CDC42BPA: variants seen among roughly 807,000 people sequenced by gnomAD.
CDC42BPA encodes CDC42 binding protein kinase alpha.
In CDC42BPA, 80 loss-of-function variants were observed where a neutral mutation model predicts 223.5. The observed-to-expected ratio is 0.36, with a 90% CI of 0.30 to 0.43. The LOEUF (loss-of-function observed/expected upper bound fraction) is 0.43. Among genes scored for constraint, CDC42BPA ranks in the 20% least tolerant of loss-of-function variants. The pLI, the probability that CDC42BPA is intolerant of heterozygous loss-of-function variation, is 1.00. For synonymous variants in CDC42BPA, 694 were observed against 718.6 expected (o/e 0.97, Z 0.55); for missense variants, 1,743 against 2,099.9 (o/e 0.83, Z 3.32).
At chr1:227,207,447 G>A (rs1398316516) in intron 3 of CDC42BPA, among the ~76,000 whole-genome samples, 3 of 143,180 alleles carry the variant, frequency 2.1e-5, no homozygotes, top group Non-Finnish European at 4.5e-5. Flanking sequence ...CATGTGCCAT[G>A]CTGGTGCGCT....
At chr1:227,072,401 G>A (rs1044424265) in intron 19 of CDC42BPA, 102 bp from the exon 20 acceptor site, 8 of 641,238 alleles carry the variant, frequency 1.2e-5, no homozygotes, top group Middle Eastern at 2.7e-4. Context: ...TGTCAGGCAT[G>A]GTAAATTAGG....
chr1:227,267,804 TG>T (rs1176577544), intron 1 of CDC42BPA, among the ~76,000 whole-genome samples: 1 of 152,120 alleles, frequency 6.6e-6, no homozygotes, highest in Non-Finnish European at 1.5e-5. Flanking sequence ...CAAAACAGCA[TG>T]GGGGAAATTG....
intron 23 of CDC42BPA, among the ~76,000 whole-genome samples, chr1:227,042,898 C>T (rs1671676195): frequency 6.6e-6 from 1 of 152,054 alleles, no homozygotes; most frequent in South Asian, 2.1e-4. Context: ...TTCTTTTCTA[C>T]TCTGATTTTT....
At chr1:227,210,000 G>T (rs1243475607) in intron 3 of CDC42BPA, among the ~76,000 whole-genome samples, 1 of 150,704 alleles carries the variant, frequency 6.6e-6, no homozygotes, top group Non-Finnish European at 1.5e-5. Flanking sequence ...ACTCTTTTTG[G>T]TTGGTAAACT....
At chr1:227,267,003 T>C (rs1033024860) in intron 1 of CDC42BPA, among the ~76,000 whole-genome samples, 1 of 152,064 alleles carries the variant, frequency 6.6e-6, no homozygotes, top group African/African-American at 2.4e-5. Context: ...CAGGAAAACA[T>C]TGGTTTAAAG....
intron 21 of CDC42BPA, among the ~76,000 whole-genome samples, chr1:227,053,636 G>C (rs1673981353): frequency 6.6e-6 from 1 of 152,082 alleles, no homozygotes; most frequent in South Asian, 2.1e-4. Flanking sequence ...TGTCCTACCA[G>C]AGGCATCTCC....
At chr1:227,089,058 T>C (rs1213590363) in intron 16 of CDC42BPA, among the ~76,000 whole-genome samples, 1 of 152,154 alleles carries the variant, frequency 6.6e-6, no homozygotes, top group Non-Finnish European at 1.5e-5. Context: ...GAAGGTGGGG[T>C]TTATAAGATT....
chr1:227,285,701 G>A (rs935048303), intron 1 of CDC42BPA, among the ~76,000 whole-genome samples: 6 of 152,172 alleles, frequency 3.9e-5, no homozygotes, highest in African/African-American at 1.4e-4. Context: ...ATTATCGAAT[G>A]AGAATAAAAT....
At chr1:227,131,983 C>T (rs1038576056) in intron 10 of CDC42BPA, among the ~76,000 whole-genome samples, 1 of 152,142 alleles carries the variant, frequency 6.6e-6, no homozygotes, top group African/African-American at 2.4e-5. Flanking sequence ...TGACACAGCA[C>T]ATGAGGAGAC....
chr1:227,013,356 T>C (rs940279706), intron 34 of CDC42BPA, among the ~76,000 whole-genome samples: 3 of 151,928 alleles, frequency 2.0e-5, no homozygotes, highest in Non-Finnish European at 2.9e-5. Flanking sequence ...AGACCTTATT[T>C]TGAACAAAAA....
chr1:227,125,096 G>A (rs1206192647), intron 11 of CDC42BPA, among the ~76,000 whole-genome samples: 4 of 151,652 alleles, frequency 2.6e-5, no homozygotes, highest in African/African-American at 9.7e-5. Context: ...AAGAGAAAAA[G>A]CCCCAACAAA....
chr1:227,220,254 T>G (rs1675584917), intron 2 of CDC42BPA, among the ~76,000 whole-genome samples: 1 of 144,946 alleles, frequency 6.9e-6, no homozygotes, highest in Admixed American at 7.1e-5. Context: ...CTTTTTTTCT[T>G]CAGTCTCTTT....
chr1:227,006,948 C>A (rs1451147013), intron 34 of CDC42BPA, among the ~76,000 whole-genome samples: 6 of 101,334 alleles, frequency 5.9e-5, no homozygotes, highest in African/African-American at 1.7e-4. Context: ...GAGACTCCGT[C>A]TCAACAACAA....
intron 11 of CDC42BPA, among the ~76,000 whole-genome samples, chr1:227,120,306 G>A (rs940834610): frequency 2.6e-5 from 4 of 152,206 alleles, no homozygotes; most frequent in African/African-American, 9.6e-5. Flanking sequence ...TAGTGCTGAT[G>A]TTAGTCAAAT....
chr1:227,292,435 CATA>C (rs1689858125), intron 1 of CDC42BPA, among the ~76,000 whole-genome samples: 1 of 152,268 alleles, frequency 6.6e-6, no homozygotes, highest in South Asian at 2.1e-4. Flanking sequence ...AGATAGGTAT[CATA>C]ATGATTATTT....
intron 16 of CDC42BPA, among the ~76,000 whole-genome samples, chr1:227,090,589 T>C (rs936058766): frequency 1.2e-4 from 18 of 152,196 alleles, no homozygotes; most frequent in Admixed American, 1.0e-3. Context: ...GGTGGGCGGA[T>C]TGCTTGAGGT....
At chr1:227,315,021 T>G (rs900036863) in intron 1 of CDC42BPA, among the ~76,000 whole-genome samples, 1 of 152,086 alleles carries the variant, frequency 6.6e-6, no homozygotes, top group Admixed American at 6.6e-5. Flanking sequence ...TCAATTCATA[T>G]GAAGAACATC....
At chr1:227,268,059 T>C (rs1685299316) in intron 1 of CDC42BPA, among the ~76,000 whole-genome samples, 1 of 152,152 alleles carries the variant, frequency 6.6e-6, no homozygotes, top group African/African-American at 2.4e-5. Flanking sequence ...GTAGATAAAA[T>C]GTAATCTCTG....
At chr1:227,031,183 T>C in intron 28 of CDC42BPA, 115 bp downstream of exon 28, 3 of 743,630 alleles carry the variant, frequency 4.0e-6, no homozygotes, top group Admixed American at 4.7e-5. Flanking sequence ...TGAGCATTTA[T>C]GATATGATGC....
Sources: gnomAD v4.1 joint callset for allele counts (sites outside exome capture counted in the v4.1 genomes callset) on GRCh38, gnomAD v4.1.1 for gene constraint, MANE v1.5 for transcripts, NCBI Gene and HGNC (gene_info 2026-07-23, HGNC 2026-07-21) for gene names.